EPHA6: variants seen among roughly 807,000 people sequenced by gnomAD.
EPHA6 encodes EPH receptor A6.
A neutral mutation model predicts 112.0 loss-of-function variants in EPHA6; 50 were observed. The observed-to-expected ratio is 0.45, with a 90% confidence interval of 0.36 to 0.56. EPHA6 has a LOEUF of 0.56. Ranked by LOEUF, EPHA6 falls within the 20% of genes least tolerant of loss-of-function variation. The pLI is 0.00. For synonymous variants in EPHA6, 529 were observed against 490.7 expected (o/e 1.08, Z -1.03); for missense variants, 1,280 against 1,417.4 (o/e 0.90, Z 1.56).
At chr3:97,117,841 G>T (rs1354281312) in intron 3 of EPHA6, among the ~76,000 whole-genome samples, 1 of 151,724 alleles carries the variant, frequency 6.6e-6, no homozygotes, top group Admixed American at 6.6e-5. Context: ...TATGAATGGT[G>T]CAGCATAATT....
At chr3:97,528,532 C>T (rs942415175) in intron 10 of EPHA6, among the ~76,000 whole-genome samples, 10 of 152,076 alleles carry the variant, frequency 6.6e-5, no homozygotes, top group African/African-American at 2.2e-4. Context: ...AGAAACATTT[C>T]ATCACACCCA....
intron 12 of EPHA6, among the ~76,000 whole-genome samples, chr3:97,596,777 C>T (rs371611456): frequency 6.2e-4 from 66 of 106,146 alleles, no homozygotes; most frequent in Non-Finnish European, 8.8e-4. Flanking sequence ...AACTCATATA[C>T]ATATATATAT....
intron 10 of EPHA6, among the ~76,000 whole-genome samples, chr3:97,517,757 C>T (rs1315327859): frequency 1.3e-5 from 2 of 152,038 alleles, no homozygotes; most frequent in Non-Finnish European, 2.9e-5. Context: ...ACCGGTGCCC[C>T]CACCCCACAC....
chr3:97,119,225 A>T (rs2047976334), intron 3 of EPHA6, among the ~76,000 whole-genome samples: 1 of 151,986 alleles, frequency 6.6e-6, no homozygotes, highest in African/African-American at 2.4e-5. Context: ...GGCTACTAAG[A>T]AACTATGCAC....
In EPHA6 at chr3:97,758,664, T is replaced by C. The variant is rs973549645; in HGVS notation, c.*9963T>C. Reference sequence around the variant, plus strand: ...TTATAATTAAAAATGTTACATAGCATGACTGTGGCTCCTTTAAGCGGTAGA... The same window carrying C: ...TTATAATTAAAAATGTTACATAGCACGACTGTGGCTCCTTTAAGCGGTAGA... On this transcript the variant is annotated 3_prime_UTR_variant, in exon 18 of 18. Coordinates refer to ENST00000389672, the MANE Select transcript of EPHA6 (RefSeq NM_001080448.3). 6.6e-6 allele frequency among the ~76,000 whole-genome samples: 1 copy of C among 151,958 alleles called. No homozygotes were observed. Among genetic ancestry groups the C allele is most frequent in the African/African-American group, 2.4e-5 (1 of 41,406 alleles).
intron 2 of EPHA6, among the ~76,000 whole-genome samples, chr3:96,986,966 G>A (rs577874796): frequency 6.6e-6 from 1 of 152,144 alleles, no homozygotes; most frequent in East Asian, 1.9e-4. Flanking sequence ...GCTATTTAAT[G>A]TTCTTATAGT....
intron 3 of EPHA6, among the ~76,000 whole-genome samples, chr3:97,190,957 G>T (rs1443778169): frequency 6.6e-6 from 1 of 152,068 alleles, no homozygotes; most frequent in Non-Finnish European, 1.5e-5. Context: ...TAGTTACTAT[G>T]ATATACAGTG....
intron 2 of EPHA6, among the ~76,000 whole-genome samples, chr3:96,924,383 C>G (rs962506928): frequency 3.3e-5 from 5 of 151,974 alleles, no homozygotes; most frequent in African/African-American, 1.2e-4. Context: ...AGCTGCATTC[C>G]TAGTTTTATT....
At chr3:97,100,378 A>G (rs1559728348) in intron 3 of EPHA6, among the ~76,000 whole-genome samples, 1 of 151,642 alleles carries the variant, frequency 6.6e-6, no homozygotes, top group Non-Finnish European at 1.5e-5. Flanking sequence ...AGACAAATTA[A>G]CAAAGAGACA....
intron 5 of EPHA6, among the ~76,000 whole-genome samples, chr3:97,352,744 T>C (rs2083879064): frequency 6.6e-6 from 1 of 151,780 alleles, no homozygotes; most frequent in African/African-American, 2.4e-5. Context: ...CCTAGGGAGG[T>C]CTTGGCACTG....
chr3:97,241,763 T>G (rs927407265), intron 4 of EPHA6, among the ~76,000 whole-genome samples: 3 of 150,436 alleles, frequency 2.0e-5, no homozygotes, highest in South Asian at 2.1e-4. Flanking sequence ...TTGTTTTTTT[T>G]TTTTTTTGTT....
intron 3 of EPHA6, among the ~76,000 whole-genome samples, chr3:97,118,390 T>C (rs2047953177): frequency 6.6e-6 from 1 of 151,874 alleles, no homozygotes; most frequent in African/African-American, 2.4e-5. Context: ...CCTTAAAAAC[T>C]ACCTATCTCA....
In EPHA6 at chr3:97,226,406, T is replaced by G; in HGVS notation, c.1257T>G (p.Ser419=). The part of the protein sequence containing the change: ...GYFRAEKDPP[S]MACTRPPSAP... ...TCCGAGCTGAAAAAGACCCACCTTCTATGGCATGTACCAGTAAGTCTATAC... is the reference window on the plus strand; with the variant it reads ...TCCGAGCTGAAAAAGACCCACCTTCGATGGCATGTACCAGTAAGTCTATAC... Residue 419 remains serine, a synonymous_variant, in exon 4 of 18, where the codon TCT becomes TCG. Transcript: ENST00000389672. The G allele has an allele frequency of 6.2e-7, 1 of 1,613,224 alleles. No homozygotes were observed. The highest frequency in any genetic ancestry group is 1.1e-5 in the South Asian group (1 of 90,914).
chr3:97,595,517 C>T (rs1392178579), intron 12 of EPHA6, among the ~76,000 whole-genome samples: 3 of 151,960 alleles, frequency 2.0e-5, no homozygotes, highest in Non-Finnish European at 4.4e-5. Flanking sequence ...TGGTGGCGGG[C>T]ACCTGTAATC....
At chr3:96,996,536 T>C (rs189207131) in intron 3 of EPHA6, among the ~76,000 whole-genome samples, 59 of 152,258 alleles carry the variant, frequency 3.9e-4, no homozygotes, top group Non-Finnish European at 6.6e-4. Context: ...GAATGGATGT[T>C]GTGCTAGCAG....
chr3:97,204,490 C>T (rs997836928), intron 3 of EPHA6, among the ~76,000 whole-genome samples: 2 of 152,036 alleles, frequency 1.3e-5, no homozygotes, highest in African/African-American at 4.8e-5. Flanking sequence ...TGTCTAAGGT[C>T]ACAAAGTTAG....
chr3:97,218,892 T>C (rs1215634314), intron 3 of EPHA6, among the ~76,000 whole-genome samples: 1 of 151,980 alleles, frequency 6.6e-6, no homozygotes, highest in Non-Finnish European at 1.5e-5. Flanking sequence ...CTAGATACAA[T>C]AGGGGTACAG....
chr3:96,881,760 A>T (rs2037327652), intron 2 of EPHA6, among the ~76,000 whole-genome samples: 1 of 152,230 alleles, frequency 6.6e-6, no homozygotes, highest in Non-Finnish European at 1.5e-5. Context: ...AAAATAAAAA[A>T]CAAGTTAATT....
Position 97,247,415 on chromosome 3 carries a change from G to T in EPHA6, c.1606+3128G>T, listed in dbSNP as rs1011668726. Among the ~76,000 whole-genome samples the T allele has an allele frequency of 8.6e-5, 13 of 152,010 alleles. No homozygotes were observed. In the East Asian group the frequency reaches 2.5e-3, roughly 29 times the overall value. ...ATATGTAGTTAGTACTCTAGTTAAA[G>T]TACTGCTAAGGAGAAGCCTAGGGTG... is the stretch of plus-strand genomic sequence containing the variant. On this transcript the variant is annotated intron_variant, in intron 5 of 17. Coordinates refer to ENST00000389672, the MANE Select transcript of EPHA6 (RefSeq NM_001080448.3).
Sources: allele counts gnomAD v4.1 joint callset (sites outside exome capture counted in the v4.1 genomes callset), GRCh38; gene constraint gnomAD v4.1.1; transcripts MANE v1.5; gene names NCBI Gene and HGNC (gene_info 2026-07-23, HGNC 2026-07-21).